FLCN: variants seen among roughly 807,000 people sequenced by gnomAD.
The protein encoded by FLCN is folliculin.
A neutral mutation model predicts 62.5 loss-of-function variants in FLCN; 22 were observed. That is an observed-to-expected ratio of 0.35 (90% CI 0.25 to 0.50). FLCN has a LOEUF of 0.50. Ranked by LOEUF, FLCN falls within the 20% of genes least tolerant of loss-of-function variation. The pLI, the probability that FLCN is intolerant of heterozygous loss-of-function variation, is 0.97. For synonymous variants in FLCN, 319 were observed against 310.0 expected (o/e 1.03, Z -0.30); for missense variants, 657 against 778.0 (o/e 0.84, Z 1.85).
chr17:17,217,543 C>T (rs1199525715), intron 9 of FLCN: 3 of 360,024 alleles, frequency 8.3e-6, no homozygotes, highest in African/African-American at 4.3e-5. Flanking sequence ...GACATGGCAG[C>T]ACCCAGGAGA....
intron 3 of FLCN, chr17:17,228,542 C>CGGCG: frequency 3.7e-6 from 1 of 269,562 alleles, no homozygotes; most frequent in Non-Finnish European, 7.3e-6. Context: ...GAGGGTCCTC[C>CGGCG]ACCCAATACA....
At chr17:17,223,100 C>CT (rs998065148) in intron 6 of FLCN, 8,155 of 245,524 alleles carry the variant, frequency 0.033, no homozygotes, top group South Asian at 0.066. Flanking sequence ...TTTTTCCTTT[C>CT]TTTTTTTTTT....
At chr17:17,221,688 TC>T in intron 7 of FLCN, 60 bp from the exon 8 acceptor site, 1 of 1,551,762 alleles carries the variant, frequency 6.4e-7, no homozygotes, top group Non-Finnish European at 8.7e-7. Context: ...AACCTGACGC[TC>T]ACCCAGCCCC....
chr17:17,219,694 C>T (rs71364015), intron 8 of FLCN: 3,212 of 161,406 alleles, frequency 0.02, 50 homozygotes, highest in Non-Finnish European at 0.032. Context: ...CCCAGCCTCC[C>T]AAGTAGCTGG....
intron 9 of FLCN, chr17:17,217,406 C>A: frequency 1.7e-6 from 1 of 592,356 alleles, no homozygotes; most frequent in Non-Finnish European, 3.0e-6. Flanking sequence ...AGCTCTTGCT[C>A]CAAGATCTTT....
intron 8 of FLCN, 25 bp downstream of exon 8, chr17:17,221,512 C>T (rs2047087166): frequency 2.5e-6 from 4 of 1,613,876 alleles, no homozygotes; most frequent in East Asian, 2.2e-5. Context: ...GGGCCAAGGC[C>T]CCGGCAACAG....
rs1060504595 is a variant in FLCN, at chr17:17,216,428, G to A, written c.1252C>T (p.Leu418=). The A allele has an allele frequency of 6.2e-7, 1 of 1,613,770 alleles. No individual in the cohort carries two copies. The highest frequency in any genetic ancestry group is 8.5e-7 in the Non-Finnish European group (1 of 1,179,858). The change falls in exon 11 of 14, where the codon CTG becomes TTG. Residue 418 remains leucine, a synonymous_variant. Transcript: ENST00000285071. This position sits in a 1 kb window ranked among gnomAD's most constrained non-coding sequence, Gnocchi z 4.0. Reference sequence around the variant, plus strand: ...ATCTGCACGTGCGGGCTGAGCCCCAGGAAGTTGCACCGATAGGCCTCCTCG... The same window carrying A: ...ATCTGCACGTGCGGGCTGAGCCCCAAGAAGTTGCACCGATAGGCCTCCTCG... ...QYEEAYRCNF[L]GLSPHVQIPP... is the part of the protein sequence containing the mutation.
intron 5 of FLCN, chr17:17,225,889 G>T: frequency 1.9e-6 from 1 of 525,466 alleles, no homozygotes; most frequent in Non-Finnish European, 3.6e-6. Flanking sequence ...ACAAAAGAAG[G>T]AAAAAAGAAA....
At chr17:17,215,382 C>A in intron 11 of FLCN, 66 bp from the exon 12 acceptor site, 1 of 1,609,734 alleles carries the variant, frequency 6.2e-7, no homozygotes, top group Non-Finnish European at 8.5e-7. Flanking sequence ...TGCGCTAGCC[C>A]ACCGTGGGCC....
intron 6 of FLCN, 98 bp downstream of exon 6, chr17:17,223,824 G>C (rs1469159496): frequency 8.2e-7 from 1 of 1,219,082 alleles, no homozygotes; most frequent in Non-Finnish European, 1.2e-6. Flanking sequence ...TAAGCAGAGG[G>C]GAAGACGCCA....
rs978258952 is a variant in FLCN at position 17,222,469 on chromosome 17, A to T, written c.779+32T>A. The T allele has an allele frequency of 1.9e-6, 3 of 1,613,856 alleles. No individual in the cohort carries two copies. The African/African-American group carries it at 4.0e-5, about 22-fold the overall frequency. On this transcript the variant is annotated intron_variant, in intron 7 of 13. Transcript: ENST00000285071. Reference sequence around the variant, plus strand: ...AATGTATCGTGACTGCTCTATCCTAACAGATATGCCAAAAGCAGAGACGCC... The same window carrying T: ...AATGTATCGTGACTGCTCTATCCTATCAGATATGCCAAAAGCAGAGACGCC...
At chr17:17,228,318 G>T (rs1226675391) in intron 3 of FLCN, 157 bp from the exon 4 acceptor site, 17 of 833,726 alleles carry the variant, frequency 2.0e-5, no homozygotes, top group Non-Finnish European at 3.1e-5. Context: ...GCACTGCTTT[G>T]CCCCAGTGCG....
intron 3 of FLCN, among the ~76,000 whole-genome samples, chr17:17,231,060 C>T (rs1294490558): frequency 1.3e-5 from 2 of 149,750 alleles, no homozygotes; most frequent in Non-Finnish European, 3.0e-5. Context: ...ATTAGCCAGG[C>T]ATGGTGGCGC....
chr17:17,219,399 C>T (rs1597592905), intron 8 of FLCN, among the ~76,000 whole-genome samples, 190 bp from the exon 9 acceptor site: 2 of 151,926 alleles, frequency 1.3e-5, no homozygotes, highest in African/African-American at 2.4e-5. Context: ...CTACTTAGCC[C>T]GGGGTACCAC....
chr17:17,224,424 C>G, intron 5 of FLCN: 1 of 504,830 alleles, frequency 2.0e-6, no homozygotes, highest in Non-Finnish European at 3.6e-6. Flanking sequence ...ATATGTCACA[C>G]CTCTCCCAGA....
intron 3 of FLCN, chr17:17,228,761 G>A (rs2047336117): frequency 1.2e-5 from 2 of 162,688 alleles, no homozygotes; most frequent in South Asian, 1.7e-4. Flanking sequence ...GGTGGGTGCT[G>A]TACTGTCTGA....
chr17:17,213,140 C>T lies in FLCN; in HGVS notation c.*515G>A, dbSNP rs994970871. On this transcript the variant is annotated 3_prime_UTR_variant, in exon 14 of 14. Transcript: ENST00000285071. ...CCACTTCACTCCCCAAAGTCTCTTG[C>T]GGAGCCCTAACTCAATCACTCAGTG... is the stretch of plus-strand genomic sequence containing the variant. The T allele has an allele frequency of 2.4e-5, 7 of 288,546 alleles. No individual in the cohort carries two copies. The highest frequency in any genetic ancestry group is 1.1e-4 in the African/African-American group (5 of 47,306). 17.9% of individuals were successfully genotyped at this position (288,546 alleles called of 1,614,324 possible).
chr17:17,223,895 GC>G (rs760680393), intron 6 of FLCN, 26 bp downstream of exon 6: 5 of 1,611,998 alleles, frequency 3.1e-6, no homozygotes, highest in Admixed American at 1.7e-5. Flanking sequence ...GCCCCCTGCC[GC>G]CCCGGCACCT....
chr17:17,226,940 G>A (rs560232436), intron 4 of FLCN, among the ~76,000 whole-genome samples: 1 of 152,216 alleles, frequency 6.6e-6, no homozygotes, highest in Non-Finnish European at 1.5e-5. Context: ...GCGGCAGTGC[G>A]TCAGCAAGAC....
Sources: allele counts gnomAD v4.1 joint callset (sites outside exome capture counted in the v4.1 genomes callset), GRCh38; gene constraint gnomAD v4.1.1; non-coding constraint Gnocchi (gnomAD v3.1); transcripts MANE v1.5; gene names NCBI Gene and HGNC (gene_info 2026-07-23, HGNC 2026-07-21).